HRH2: variants seen among roughly 807,000 people sequenced by gnomAD.
HRH2 encodes histamine H2 receptor.
In HRH2, 4 loss-of-function variants were observed where a neutral mutation model predicts 20.1. The observed-to-expected ratio is 0.20, with a 90% confidence interval of 0.10 to 0.45. HRH2 has a LOEUF of 0.45. HRH2 is among the 20% of genes least tolerant of loss of function. The pLI is 0.99. For missense variants in HRH2, 250 were observed against 461.6 expected, an observed-to-expected ratio of 0.54 and a Z score of 4.20; for synonymous variants, 197 against 200.7, an observed-to-expected ratio of 0.98 and a Z score of 0.16.
chr5:175,668,822 T>A (rs1023350375), intron 1 of HRH2, among the ~76,000 whole-genome samples: 3 of 151,922 alleles, frequency 2.0e-5, no homozygotes, highest in African/African-American at 7.3e-5. Context: ...GGCAGAGTTG[T>A]CCAAATCCAG....
intron 1 of HRH2, among the ~76,000 whole-genome samples, chr5:175,669,110 G>T (rs1331760403): frequency 6.6e-6 from 1 of 151,992 alleles, no homozygotes; most frequent in East Asian, 1.9e-4. Flanking sequence ...CTTCCAAAGT[G>T]CTGGGATTAC....
chr5:175,696,545 G>C (rs1455692255), intron 2 of HRH2, among the ~76,000 whole-genome samples: 1 of 152,244 alleles, frequency 6.6e-6, no homozygotes, highest in Non-Finnish European at 1.5e-5. Context: ...CGATCATGTG[G>C]AGGTTGTAAA....
intron 2 of HRH2, among the ~76,000 whole-genome samples, chr5:175,695,438 G>A (rs1756541590): frequency 6.6e-6 from 1 of 152,232 alleles, no homozygotes; most frequent in Middle Eastern, 3.2e-3. Context: ...TCGCGCAGGA[G>A]TAGGTAGGAG....
Position 175,693,838 on chromosome 5 carries a change from C to T in HRH2, c.1076+9529C>T, listed in dbSNP as rs540867187. 6.6e-5 allele frequency among the ~76,000 whole-genome samples: 10 copies of T among 152,286 alleles called. No homozygotes were observed. The South Asian group carries it at 1.9e-3, about 28-fold the overall frequency. ...CACCTGGTGTTCGTTCCTGAACAGG[C>T]TGCACATCTCTCCCTTTTGTGGCTG... On this transcript the variant is annotated intron_variant, in intron 2 of 2. Transcript: ENST00000636584. The surrounding 1 kb of genome is among the most constrained non-coding windows in gnomAD (Gnocchi z 4.4).
rs191937314 is a variant in HRH2, at chr5:175,677,139, C to T, written c.-525-5570C>T. Among the ~76,000 whole-genome samples the T allele has an allele frequency of 1.4e-4, 22 of 152,206 alleles. No homozygotes were observed. Among genetic ancestry groups the T allele is most frequent in the Admixed American group, 6.5e-4 (10 of 15,296 alleles). The stretch of plus-strand genomic sequence containing the variant: ...CCTCCCGAGTAGCCTGCCCTACAGG[C>T]GTGCACAACTATGCCCAGCTAATTT... On this transcript the variant is annotated intron_variant, in intron 1 of 2. Transcript: ENST00000636584. The surrounding 1 kb of genome is among the most constrained non-coding windows in gnomAD (Gnocchi z 4.2).
At chr5:175,707,388 C>T (rs796094383) in intron 2 of HRH2, among the ~76,000 whole-genome samples, 9 of 152,362 alleles carry the variant, frequency 5.9e-5, no homozygotes, top group African/African-American at 2.2e-4. Flanking sequence ...TATGATCACG[C>T]CACTGCCCTC....
At chr5:175,660,948 C>T (rs534947924) in intron 1 of HRH2, among the ~76,000 whole-genome samples, 4 of 152,314 alleles carry the variant, frequency 2.6e-5, no homozygotes, top group African/African-American at 7.2e-5. Flanking sequence ...CCAAATGGAT[C>T]AAGACCAAAG....
At chr5:175,704,309 A>G (rs1756875036) in intron 2 of HRH2, among the ~76,000 whole-genome samples, 1 of 152,168 alleles carries the variant, frequency 6.6e-6, no homozygotes, top group African/African-American at 2.4e-5. Context: ...ATTTATACAG[A>G]AATAGAAGGT....
intron 1 of HRH2, among the ~76,000 whole-genome samples, chr5:175,669,448 C>T (rs1755438359): frequency 6.6e-6 from 1 of 151,746 alleles, no homozygotes; most frequent in Non-Finnish European, 1.5e-5. Flanking sequence ...ACTGCAACCT[C>T]CGCCTGCCAG....
intron 2 of HRH2, among the ~76,000 whole-genome samples, chr5:175,702,997 TAC>T: frequency 6.6e-6 from 1 of 152,256 alleles, no homozygotes; most frequent in African/African-American, 2.4e-5. Context: ...TTGACAGAAC[TAC>T]AAAGAGAAAT....
intron 1 of HRH2, among the ~76,000 whole-genome samples, chr5:175,664,631 C>T (rs1198879845): frequency 2.6e-4 from 39 of 152,032 alleles, no homozygotes; most frequent in Admixed American, 2.6e-3. Flanking sequence ...TGGATTTTGT[C>T]CTGTAGGCAG....
At chr5:175,692,475 C>T (rs969796092) in intron 2 of HRH2, among the ~76,000 whole-genome samples, 1 of 152,238 alleles carries the variant, frequency 6.6e-6, no homozygotes, top group Non-Finnish European at 1.5e-5. Context: ...CTCTCTGAGC[C>T]TCAGCTTGCT....
rs1756173296 is a variant in HRH2, at chr5:175,686,351, T to C, written c.1076+2042T>C. ...TTTCAGTTGAGTCCTTAAGGGAACT[T>C]ATTCATTCAATAAGCACTTAACAAC... On this transcript the variant is annotated intron_variant, in intron 2 of 2. Transcript: ENST00000636584. This position sits in a 1 kb window ranked among gnomAD's most constrained non-coding sequence, Gnocchi z 4.7. 1 of 152,240 alleles carries C rather than the reference T, an allele frequency of 6.6e-6. No homozygotes were observed. The allele number at this position is 152,240 out of a possible 1,614,324, so 9.4% of individuals were successfully genotyped here. A position where few individuals can be genotyped will look rare whatever the true frequency, so the allele number is the denominator to read the frequency against.
At chr5:175,668,283 T>C (rs1312620239) in intron 1 of HRH2, among the ~76,000 whole-genome samples, 1 of 152,170 alleles carries the variant, frequency 6.6e-6, no homozygotes, top group Non-Finnish European at 1.5e-5. Flanking sequence ...TAGTGAGTGC[T>C]GGGGCTTGGC....
At chr5:175,696,992 G>T (rs879921064) in intron 2 of HRH2, among the ~76,000 whole-genome samples, 1 of 152,182 alleles carries the variant, frequency 6.6e-6, no homozygotes, top group Non-Finnish European at 1.5e-5. Flanking sequence ...CGGTCTCCCT[G>T]CTCACCAGCT....
rs1428284757 is a variant in HRH2, at chr5:175,684,197, T to G, written c.964T>G (p.Ser322Ala). The stretch of plus-strand genomic sequence containing the variant: ...CAAAACTTCTCTGAGGTCCAACGCC[T>G]CTCAGCTGTCCAGGACCCAAAGCCG... ...SHKTSLRSNA[S>A]QLSRTQSREP... The change falls in exon 2 of 3, where the codon TCT becomes GCT. Residue 322 changes from serine to alanine, a missense_variant. By Grantham distance (99) the Ser-to-Ala change is moderately conservative. Around this residue, in one of 5 missense-constraint regions of HRH2, gnomAD observed 55 missense variants for 66.9 expected, o/e 0.82. Coordinates refer to ENST00000636584, the MANE Select transcript of HRH2 (RefSeq NM_001367711.1). 6.2e-7 allele frequency: 1 copy of G among 1,613,964 alleles called. No individual in the cohort carries two copies. Among genetic ancestry groups the G allele is most frequent in the Non-Finnish European group, 8.5e-7 (1 of 1,180,032 alleles).
intron 1 of HRH2, among the ~76,000 whole-genome samples, chr5:175,668,120 G>A (rs927950412): frequency 1.3e-5 from 2 of 152,192 alleles, no homozygotes; most frequent in Non-Finnish European, 2.9e-5. Context: ...CTGGGACTGT[G>A]TGGGGATGAG....
At chr5:175,669,762 T>C in intron 1 of HRH2, among the ~76,000 whole-genome samples, 1 of 152,186 alleles carries the variant, frequency 6.6e-6, no homozygotes, top group Middle Eastern at 3.2e-3. Context: ...TAACATAACC[T>C]AACACCCGAT....
Position 175,693,464 on chromosome 5 carries a change from C to T in HRH2, c.1076+9155C>T, listed in dbSNP as rs572014554. ...TTTGCAGAAAGTAGCGAGGGCCTCA[C>T]AGACGGGACGTCGCAGGTCCATGGA... is the stretch of plus-strand genomic sequence containing the variant. On this transcript the variant is annotated intron_variant, in intron 2 of 2. Coordinates refer to ENST00000636584, the MANE Select transcript of HRH2 (RefSeq NM_001367711.1). This position sits in a 1 kb window ranked among gnomAD's most constrained non-coding sequence, Gnocchi z 4.4. 6.6e-6 allele frequency among the ~76,000 whole-genome samples: 1 copy of T among 152,304 alleles called. No individual in the cohort carries two copies. Among genetic ancestry groups the T allele is most frequent in the South Asian group, 2.1e-4 (1 of 4,824 alleles).
Sources: gnomAD v4.1 joint callset for allele counts (sites outside exome capture counted in the v4.1 genomes callset) on GRCh38, gnomAD v4.1.1 for gene constraint, gnomAD v4.1.1 regional missense constraint, Gnocchi (gnomAD v3.1) non-coding constraint, MANE v1.5 for transcripts, NCBI Gene and HGNC (gene_info 2026-07-23, HGNC 2026-07-21) for gene names.